The following S100A13 variants were observed in gnomAD, a reference collection of about 807,000 sequenced individuals.
The protein encoded by S100A13 is S100 calcium binding protein A13, also known as protein S100-A13.
S100A13 carries 6 observed loss-of-function variants against 8.2 expected under a neutral mutation model. The ratio of observed to expected loss-of-function variants is 0.73; its 90% confidence interval spans 0.40 to 1.44. The LOEUF (loss-of-function observed/expected upper bound fraction) is 1.44, where lower values mean the gene tolerates loss of function less well. Ranked by LOEUF, S100A13 falls within the 40% of genes most tolerant of loss-of-function variation. S100A13 has a pLI of 0.02. For synonymous variants in S100A13, 39 were observed against 45.9 expected (o/e 0.85, Z 0.61); for missense variants, 114 against 113.6 (o/e 1.00, Z -0.02).
chr1:153,627,545 AAGG>A (rs1183984069), upstream of S100A13: 1 of 154,020 alleles, frequency 6.5e-6, no homozygotes, highest in Non-Finnish European at 1.4e-5. Context: ...AGCAGCGGGG[AAGG>A]AGGAGAGAGC....
At chr1:153,624,446 G>A (rs1268093460) in intron 2 of S100A13, among the ~76,000 whole-genome samples, 3 of 151,908 alleles carry the variant, frequency 2.0e-5, no homozygotes, top group Admixed American at 6.6e-5. Flanking sequence ...CTTCCAAGGC[G>A]CTGGGAAGTC....
intron 2 of S100A13, among the ~76,000 whole-genome samples, chr1:153,624,127 G>A (rs35760493): frequency 0.38 from 57,546 of 152,040 alleles, 12,925 homozygotes; most frequent in East Asian, 0.68. Context: ...GAACAGAACT[G>A]GAATGACAGG....
chr1:153,629,239 A>T (rs1408442111), upstream of S100A13: 1 of 151,986 alleles, frequency 6.6e-6, no homozygotes, highest in Admixed American at 6.6e-5. Flanking sequence ...TCTGGCATGG[A>T]GCAGGTAATC....
chr1:153,631,297 C>G (rs963167008), upstream of S100A13: 4 of 681,050 alleles, frequency 5.9e-6, no homozygotes, highest in African/African-American at 5.4e-5. Context: ...CAAATTCCAG[C>G]CCTGCTACTT....
At chr1:153,628,351 G>GTT, upstream of S100A13, 1 of 1,537,866 alleles carries the variant, frequency 6.5e-7, no homozygotes, top group Non-Finnish European at 8.8e-7. Flanking sequence ...CCCACAGGGT[G>GTT]TTCGTCTGTG....
upstream of S100A13, chr1:153,632,094 C>A: frequency 2.0e-6 from 1 of 500,418 alleles, no homozygotes; most frequent in Non-Finnish European, 3.6e-6. Context: ...GAAGACTGTT[C>A]ACTCTCAACT....
chr1:153,633,685 C>A (rs1304133917), upstream of S100A13, among the ~76,000 whole-genome samples: 2 of 152,158 alleles, frequency 1.3e-5, no homozygotes, highest in Non-Finnish European at 2.9e-5. Flanking sequence ...AGTGCAAATT[C>A]CCCAGGCCCA....
intron 2 of S100A13, among the ~76,000 whole-genome samples, chr1:153,625,263 G>A (rs1051317318): frequency 7.2e-5 from 11 of 152,128 alleles, no homozygotes; most frequent in African/African-American, 2.7e-4. Flanking sequence ...GAAGTTGTAG[G>A]GGATTTTGCA....
chr1:153,625,960 G>A (rs1425680186), intron 2 of S100A13, among the ~76,000 whole-genome samples: 1 of 152,224 alleles, frequency 6.6e-6, no homozygotes, highest in East Asian at 1.9e-4. Flanking sequence ...CTGAGGTCAG[G>A]AGTTCGAGAC....
intron 2 of S100A13, among the ~76,000 whole-genome samples, chr1:153,624,667 A>G (rs1045314243): frequency 2.6e-5 from 4 of 152,114 alleles, no homozygotes; most frequent in African/African-American, 9.7e-5. Flanking sequence ...GGCTGGGCAC[A>G]GTGGCTCATG....
At chr1:153,632,898 A>T (rs987217581), upstream of S100A13, 1 of 152,226 alleles carries the variant, frequency 6.6e-6, no homozygotes, top group African/African-American at 2.4e-5. Flanking sequence ...GGCCGGGCAC[A>T]GTGGCTCACG....
At chr1:153,619,074 A>G (rs1224983089) in intron 2 of S100A13, 36 bp from the exon 3 acceptor site, 6 of 1,595,362 alleles carry the variant, frequency 3.8e-6, no homozygotes, top group East Asian at 2.2e-5. Context: ...AGAGTTAGAA[A>G]CTGGGGTTCT....
chr1:153,619,555 T>C (rs144456954), intron 2 of S100A13, among the ~76,000 whole-genome samples: 2 of 152,286 alleles, frequency 1.3e-5, no homozygotes, highest in Non-Finnish European at 2.9e-5. Context: ...GCTGGGTCAC[T>C]AGATCAGGGG....
At chr1:153,633,459 G>A (rs1032681219), upstream of S100A13, among the ~76,000 whole-genome samples, 6 of 133,090 alleles carry the variant, frequency 4.5e-5, no homozygotes, top group Non-Finnish European at 8.0e-5. Context: ...CGCAATCGAG[G>A]ACGCAAAGGT....
chr1:153,624,547 G>GAA (rs34952512), intron 2 of S100A13, among the ~76,000 whole-genome samples: 26 of 109,302 alleles, frequency 2.4e-4, no homozygotes, highest in Non-Finnish European at 2.6e-4. Flanking sequence ...TTGAATTTAG[G>GAA]AAAAAAAAAA....
upstream of S100A13, among the ~76,000 whole-genome samples, chr1:153,632,857 GCA>G (rs1668105844): frequency 6.6e-6 from 1 of 152,130 alleles, no homozygotes; most frequent in Non-Finnish European, 1.5e-5. Flanking sequence ...ACTGTATTGT[GCA>G]CATAGTCATT....
chr1:153,621,429 T>G (rs750876215), intron 2 of S100A13, among the ~76,000 whole-genome samples: 122 of 151,616 alleles, frequency 8.0e-4, no homozygotes, highest in Admixed American at 1.6e-3. Context: ...AGGTCTGGGA[T>G]TACAGGCATG....
At chr1:153,624,393 G>C (rs1667465130) in intron 2 of S100A13, among the ~76,000 whole-genome samples, 1 of 152,172 alleles carries the variant, frequency 6.6e-6, no homozygotes, top group Non-Finnish European at 1.5e-5. Context: ...GAGCTGAAGA[G>C]CTGTAAGGAG....
At chr1:153,628,467 A>C, upstream of S100A13, 1 of 1,550,660 alleles carries the variant, frequency 6.4e-7, no homozygotes, top group Non-Finnish European at 8.7e-7. Context: ...TCTGTCCAGA[A>C]CCTGCTCCCA....
Sources: gnomAD v4.1 joint callset for allele counts (sites outside exome capture counted in the v4.1 genomes callset) on GRCh38, gnomAD v4.1.1 for gene constraint, MANE v1.5 for transcripts, NCBI Gene and HGNC (gene_info 2026-07-23, HGNC 2026-07-21) for gene names.